WASF2: variants seen among roughly 807,000 people sequenced by gnomAD.
The protein encoded by WASF2 is actin-binding protein WASF2.
WASF2 carries 14 observed loss-of-function variants against 45.0 expected under a neutral mutation model. The ratio of observed to expected loss-of-function variants is 0.31; its 90% CI spans 0.21 to 0.49. WASF2 has a LOEUF of 0.49. Among genes scored for constraint, WASF2 ranks in the 20% least tolerant of loss-of-function variants. The pLI is 0.99. For synonymous variants in WASF2, 200 were observed against 236.3 expected, an observed-to-expected ratio of 0.85 and a Z score of 1.41; for missense variants, 439 against 636.1, an observed-to-expected ratio of 0.69 and a Z score of 3.33.
In WASF2 at chr1:27,419,175, A is replaced by G. The variant is rs1266082838; in HGVS notation, c.131-87T>C. 2.7e-6 allele frequency: 4 copies of G among 1,473,120 alleles called. No homozygotes were observed. In the African/African-American group the frequency reaches 5.6e-5, roughly 21 times the overall value. The allele number at this position is 1,473,120 out of a possible 1,614,324, so 91.3% of individuals were successfully genotyped here. A position where few individuals can be genotyped will look rare whatever the true frequency, so the allele number is the denominator to read the frequency against. On this transcript the variant is annotated intron_variant, in intron 2 of 8. Coordinates refer to ENST00000618852, the MANE Select transcript of WASF2 (RefSeq NM_006990.5). ...CTGGCTACTAAAGATCGTGTTCCCT[A>G]ACCCCCAAACACATACATATACACA...
At chr1:27,469,288 C>T (rs2017658664) in intron 1 of WASF2, among the ~76,000 whole-genome samples, 3 of 152,108 alleles carry the variant, frequency 2.0e-5, no homozygotes, top group Admixed American at 6.5e-5. Context: ...GCATGTAAGG[C>T]CTCACTATAT....
intron 1 of WASF2, among the ~76,000 whole-genome samples, chr1:27,454,857 G>A (rs1023084488): frequency 3.9e-5 from 6 of 152,090 alleles, no homozygotes; most frequent in East Asian, 1.9e-4. Context: ...CAAGTTGATC[G>A]ACATTGGGAT....
At chr1:27,417,125 T>C (rs558108801) in intron 4 of WASF2, among the ~76,000 whole-genome samples, 8 of 152,340 alleles carry the variant, frequency 5.3e-5, no homozygotes, top group Non-Finnish European at 7.3e-5. Flanking sequence ...TCTGACACTG[T>C]ATGCTAAAAA....
In WASF2 at chr1:27,471,620, C is replaced by G. The variant is rs540501360; in HGVS notation, c.-44+18366G>C. ...TGCAGCCTGGCCAACAGCGCAAGAA[C>G]CTGTCTCAAACACACACACACACAA... On this transcript the variant is annotated intron_variant, in intron 1 of 8. Transcript: ENST00000618852. 2.0e-5 allele frequency among the ~76,000 whole-genome samples: 3 copies of G among 152,156 alleles called. No homozygotes were observed. The East Asian group carries it at 5.8e-4, about 29-fold the overall frequency.
At chr1:27,465,080 T>C (rs1157632427) in intron 1 of WASF2, among the ~76,000 whole-genome samples, 3 of 152,314 alleles carry the variant, frequency 2.0e-5, no homozygotes, top group Middle Eastern at 3.4e-3. Flanking sequence ...GGAAACACAT[T>C]CTGACTGGCT....
chr1:27,488,573 G>C (rs1243179980), intron 1 of WASF2, among the ~76,000 whole-genome samples: 1 of 152,106 alleles, frequency 6.6e-6, no homozygotes, highest in Non-Finnish European at 1.5e-5. Flanking sequence ...GATTCAAATG[G>C]AGCTCTCTGA....
intron 1 of WASF2, among the ~76,000 whole-genome samples, chr1:27,439,030 A>T (rs2017173895): frequency 6.6e-6 from 1 of 152,198 alleles, no homozygotes; most frequent in South Asian, 2.1e-4. Flanking sequence ...TTCTAACCTC[A>T]GTTTACCAGG....
chr1:27,468,043 C>T (rs1217473733), intron 1 of WASF2, among the ~76,000 whole-genome samples: 2 of 151,966 alleles, frequency 1.3e-5, no homozygotes, highest in African/African-American at 2.4e-5. Context: ...AAGCAATTCT[C>T]GTGTCTCAGT....
chr1:27,465,388 A>G (rs1248071916), intron 1 of WASF2, among the ~76,000 whole-genome samples: 1 of 152,228 alleles, frequency 6.6e-6, no homozygotes, highest in Non-Finnish European at 1.5e-5. Flanking sequence ...TAAACCAGGT[A>G]CAAGGATCTC....
chr1:27,420,435 C>T (rs1290111404), intron 2 of WASF2, among the ~76,000 whole-genome samples: 1 of 150,538 alleles, frequency 6.6e-6, no homozygotes, highest in Non-Finnish European at 1.5e-5. Context: ...GACACTACCT[C>T]TATATTGTCA....
In WASF2 at chr1:27,438,763, G is replaced by A. The variant is rs549335903; in HGVS notation, c.-43-9830C>T. ...ATCACAACTACATGTGAGACAAGGA[G>A]TGGAATTATGGAGCAAATTGCCATG... On this transcript the variant is annotated intron_variant, in intron 1 of 8. Coordinates refer to ENST00000618852, the MANE Select transcript of WASF2 (RefSeq NM_006990.5). Among the ~76,000 whole-genome samples the A allele has an allele frequency of 2.0e-5, 3 of 152,332 alleles. No individual in the cohort carries two copies. The South Asian group carries it at 6.2e-4, about 32-fold the overall frequency.
At chr1:27,440,259 C>T (rs1202817717) in intron 1 of WASF2, among the ~76,000 whole-genome samples, 4 of 152,178 alleles carry the variant, frequency 2.6e-5, no homozygotes, top group African/African-American at 9.7e-5. Flanking sequence ...TATGGTGGCT[C>T]ATGCCTATAA....
intron 2 of WASF2, among the ~76,000 whole-genome samples, chr1:27,427,051 G>C (rs915169446): frequency 2.0e-5 from 3 of 152,260 alleles, no homozygotes; most frequent in Admixed American, 2.0e-4. Context: ...GGAGGGCAGA[G>C]ACAATTTCTT....
intron 8 of WASF2, among the ~76,000 whole-genome samples, chr1:27,409,338 T>C (rs577904662): frequency 6.3e-4 from 86 of 136,734 alleles, no homozygotes; most frequent in Non-Finnish European, 9.4e-4. Context: ...GGCAGGAGAA[T>C]GGCGTGAACC....
chr1:27,411,600 A>G (rs2016760975), intron 7 of WASF2, among the ~76,000 whole-genome samples: 1 of 152,238 alleles, frequency 6.6e-6, no homozygotes, highest in Non-Finnish European at 1.5e-5. Context: ...ATGGTGGCTC[A>G]TGCCTGTAAT....
chr1:27,454,182 TATA>T (rs2017433011), intron 1 of WASF2, among the ~76,000 whole-genome samples: 18 of 8,746 alleles, frequency 2.1e-3, no homozygotes, highest in African/African-American at 3.2e-3. Context: ...TATATATATA[TATA>T]TATTTTTTTT....
intron 1 of WASF2, among the ~76,000 whole-genome samples, chr1:27,450,509 G>A (rs200155556): frequency 1.3e-5 from 2 of 150,904 alleles, no homozygotes; most frequent in Admixed American, 6.6e-5. Flanking sequence ...ACTCTTTTTT[G>A]TTTTTTTTGA....
At chr1:27,434,901 C>T (rs910135770) in intron 1 of WASF2, among the ~76,000 whole-genome samples, 7 of 152,124 alleles carry the variant, frequency 4.6e-5, no homozygotes, top group African/African-American at 1.7e-4. Flanking sequence ...CCTTTAAGGT[C>T]CCCTCAAACA....
intron 1 of WASF2, among the ~76,000 whole-genome samples, chr1:27,484,725 T>A (rs573775756): frequency 1.3e-5 from 2 of 149,424 alleles, no homozygotes; most frequent in African/African-American, 5.0e-5. Flanking sequence ...GGCAGGAGAA[T>A]GGCGTGAACT....
Sources: gnomAD v4.1 joint callset for allele counts (sites outside exome capture counted in the v4.1 genomes callset) on GRCh38, gnomAD v4.1.1 for gene constraint, MANE v1.5 for transcripts, NCBI Gene and HGNC (gene_info 2026-07-23, HGNC 2026-07-21) for gene names.